TFAM: variants seen among roughly 807,000 people sequenced by gnomAD.
TFAM encodes the protein transcription factor A, mitochondrial.
TFAM carries 13 observed loss-of-function variants against 30.6 expected under a neutral mutation model. The observed-to-expected ratio is 0.42, with a 90% confidence interval of 0.28 to 0.67. The LOEUF is 0.67. TFAM is among the 30% of genes least tolerant of loss of function. TFAM has a pLI of 0.21. For synonymous variants in TFAM, 106 were observed against 94.8 expected, an observed-to-expected ratio of 1.12 and a Z score of -0.69; for missense variants, 231 against 293.7, an observed-to-expected ratio of 0.79 and a Z score of 1.56.
chr10:58,385,687 C>G, intron 1 of TFAM, 39 bp downstream of exon 1: 4 of 1,465,970 alleles, frequency 2.7e-6, no homozygotes, highest in Non-Finnish European at 3.7e-6. Flanking sequence ...CAGCAGGGCC[C>G]AGGACGTCCC....
chr10:58,386,106 G>T (rs1002535053), intron 1 of TFAM, 114 bp from the exon 2 acceptor site: 18 of 823,604 alleles, frequency 2.2e-5, no homozygotes, highest in East Asian at 2.2e-4. Context: ...TGTTGAAGGC[G>T]TTGGATACAT....
chr10:58,391,111 G>C (rs1452988133), intron 5 of TFAM, among the ~76,000 whole-genome samples: 4 of 151,754 alleles, frequency 2.6e-5, no homozygotes, highest in African/African-American at 4.8e-5. Context: ...TAATATGTAG[G>C]GATATTAAAG....
chr10:58,394,467 A>C lies in TFAM; in HGVS notation c.594+53A>C, dbSNP rs751411035. The C allele has an allele frequency of 1.1e-5, 16 of 1,439,740 alleles. No individual in the cohort carries two copies. In the African/African-American group the frequency reaches 2.2e-4, roughly 20 times the overall value. 89.2% of individuals were successfully genotyped at this position (1,439,740 alleles called of 1,614,324 possible). A position where few individuals can be genotyped will look rare whatever the true frequency, so the allele number is the denominator to read the frequency against. On this transcript the variant is annotated intron_variant, in intron 6 of 6. Coordinates refer to ENST00000487519, the MANE Select transcript of TFAM (RefSeq NM_003201.3). ...TGTCTACTTAGGATATCTGTGAGAG[A>C]ATGTATTAGGGCAAGGCTTGATTCA...
chr10:58,393,932 A>C (rs1840638766), intron 5 of TFAM, among the ~76,000 whole-genome samples: 1 of 152,106 alleles, frequency 6.6e-6, no homozygotes, highest in South Asian at 2.1e-4. Flanking sequence ...TAATTTTATA[A>C]ATGAAGAGCC....
rs1042918807 is a variant in TFAM, at chr10:58,395,431, C to G, written c.*357C>G. The G allele has an allele frequency of 3.5e-6, 1 of 285,610 alleles. No individual in the cohort carries two copies. The highest frequency in any genetic ancestry group is 2.2e-5 in the African/African-American group (1 of 45,660). 17.7% of individuals were successfully genotyped at this position (285,610 alleles called of 1,614,324 possible). On this transcript the variant is annotated 3_prime_UTR_variant, in exon 7 of 7. Transcript: ENST00000487519. The stretch of plus-strand genomic sequence containing the variant: ...CCTTATATTATGGAGGCAGGAGTTT[C>G]GTTTTCAAAATTGTTACAAATTGTA...
At position 58,385,445 on chromosome 10, in the gene TFAM, G is replaced by T; in HGVS notation, c.-103G>T. 1.2e-6 allele frequency: 1 copy of T among 845,890 alleles called. No individual in the cohort carries two copies. The allele number at this position is 845,890 out of a possible 1,614,324, so 52.4% of individuals were successfully genotyped here. A position where few individuals can be genotyped will look rare whatever the true frequency, so the allele number is the denominator to read the frequency against. ...GCTAGTGGCGGGCATGATAACACAC[G>T]CCGGAGGGTCGCACGCGGGTTCCAG... is the stretch of plus-strand genomic sequence containing the variant. On this transcript the variant is annotated 5_prime_UTR_variant, in exon 1 of 7. Coordinates refer to ENST00000487519, the MANE Select transcript of TFAM (RefSeq NM_003201.3).
Position 58,397,462 on chromosome 10 carries a change from A to C in TFAM, c.*2388A>C, listed in dbSNP as rs1007345208. The C allele has an allele frequency of 6.6e-6, 1 of 152,098 alleles. No individual in the cohort carries two copies. The highest frequency in any genetic ancestry group is 2.4e-5 in the African/African-American group (1 of 41,424). The allele number at this position is 152,098 out of a possible 1,614,324, so 9.4% of individuals were successfully genotyped here. A position where few individuals can be genotyped will look rare whatever the true frequency, so the allele number is the denominator to read the frequency against. On this transcript the variant is annotated 3_prime_UTR_variant, in exon 7 of 7. Coordinates refer to ENST00000487519, the MANE Select transcript of TFAM (RefSeq NM_003201.3). ...GGTGTAAACAGTGAAAAAAGAGCAA[A>C]ACTATTTTATGGTAATTTTATGGTA...
chr10:58,385,501 A>T lies in TFAM; in HGVS notation c.-47A>T, dbSNP rs1272972129. ...ATTGCTGGAGTTGTGTATTGCCAGG[A>T]GGCTCTCCGAGATTGGGGTCGGGTC... is the stretch of plus-strand genomic sequence containing the variant. On this transcript the variant is annotated 5_prime_UTR_variant, in exon 1 of 7. Transcript: ENST00000487519. The T allele has an allele frequency of 7.0e-7, 1 of 1,430,372 alleles. No homozygotes were observed. The highest frequency in any genetic ancestry group is 2.5e-5 in the East Asian group (1 of 40,442). The allele number at this position is 1,430,372 out of a possible 1,614,324, so 88.6% of individuals were successfully genotyped here. A position where few individuals can be genotyped will look rare whatever the true frequency, so the allele number is the denominator to read the frequency against.
intron 3 of TFAM, 63 bp downstream of exon 3, chr10:58,388,323 T>G: frequency 8.0e-6 from 11 of 1,382,040 alleles, no homozygotes; most frequent in Non-Finnish European, 1.1e-5. Flanking sequence ...AATTGTCATG[T>G]CCTTTAAAGG....
rs1426333987 is a variant in TFAM, at chr10:58,386,105, C to T, written c.102-115C>T. 7.4e-6 allele frequency: 6 copies of T among 812,862 alleles called. No homozygotes were observed. The African/African-American group carries it at 1.0e-4, about 14-fold the overall frequency. The allele number at this position is 812,862 out of a possible 1,614,324, so 50.4% of individuals were successfully genotyped here. A position where few individuals can be genotyped will look rare whatever the true frequency, so the allele number is the denominator to read the frequency against. On this transcript the variant is annotated intron_variant, in intron 1 of 6. Coordinates refer to ENST00000487519, the MANE Select transcript of TFAM (RefSeq NM_003201.3). ...AAGTCTCTAGCATTCTTGTTGAAGG[C>T]GTTGGATACATAGTATCTTGATGAC...
At chr10:58,386,732 C>T in intron 2 of TFAM, 5 of 1,069,660 alleles carry the variant, frequency 4.7e-6, no homozygotes, top group Non-Finnish European at 5.7e-6. Flanking sequence ...TTCTGTAGAA[C>T]TGTAAAGTTC....
rs1376893871 is a variant in TFAM, at chr10:58,397,950, G to C, written c.*2876G>C. ...TGTATTTTTTTTTTAATCAAGATGG[G>C]ATCTTGCTATGTTGCCCAGGCTGGT... On this transcript the variant is annotated 3_prime_UTR_variant, in exon 7 of 7. Transcript: ENST00000487519. The C allele has an allele frequency of 6.6e-6, 1 of 152,152 alleles. No homozygotes were observed. Among genetic ancestry groups the C allele is most frequent in the African/African-American group, 2.4e-5 (1 of 41,356 alleles). 9.4% of individuals were successfully genotyped at this position (152,152 alleles called of 1,614,324 possible).
chr10:58,393,702 A>G (rs1354061391), intron 5 of TFAM, among the ~76,000 whole-genome samples: 1 of 152,142 alleles, frequency 6.6e-6, no homozygotes, highest in Non-Finnish European at 1.5e-5. Context: ...GCCCTGGGCA[A>G]CGTGGTAAGA....
At chr10:58,389,973 A>G (rs1050483398) in intron 4 of TFAM, among the ~76,000 whole-genome samples, 2 of 152,222 alleles carry the variant, frequency 1.3e-5, no homozygotes, top group Non-Finnish European at 2.9e-5. Flanking sequence ...AGCTCTAGAA[A>G]CAAAGAGGGA....
At chr10:58,386,722 T>A (rs1308126159) in intron 2 of TFAM, 1 of 1,107,388 alleles carries the variant, frequency 9.0e-7, no homozygotes, top group Non-Finnish European at 1.1e-6. Flanking sequence ...AAACTGTAAG[T>A]TCTGTAGAAC....
In TFAM at chr10:58,389,969, A is replaced by C. The variant is rs529143016; in HGVS notation, c.442-796A>C. Among the ~76,000 whole-genome samples, 28 of 152,342 alleles carry C rather than the reference A, an allele frequency of 1.8e-4. 1 individual carries two copies. In the East Asian group the frequency reaches 5.0e-3, roughly 27 times the overall value. On this transcript the variant is annotated intron_variant, in intron 4 of 6. Coordinates refer to ENST00000487519, the MANE Select transcript of TFAM (RefSeq NM_003201.3). The stretch of plus-strand genomic sequence containing the variant: ...GAGAGAAATCCCTAGTGATAGCTCT[A>C]GAAACAAAGAGGGAAATAGTTAAGT...
intron 4 of TFAM, 127 bp from the exon 5 acceptor site, chr10:58,390,638 A>G (rs1440101314): frequency 1.0e-5 from 8 of 762,390 alleles, no homozygotes; most frequent in African/African-American, 1.7e-5. Context: ...ATCACACTAT[A>G]TAAGAATCAT....
At position 58,394,344 on chromosome 10, in the gene TFAM, A is replaced by G; in HGVS notation, c.538-14A>G. On this transcript the variant is annotated splice_polypyrimidine_tract_variant and intron_variant, in intron 5 of 6. Coordinates refer to ENST00000487519, the MANE Select transcript of TFAM (RefSeq NM_003201.3). ...CCCATATCTACCTTAACTTAAACATATATTGTTTTACAGGAAAAGCTGAAG... is the reference window on the plus strand; with the variant it reads ...CCCATATCTACCTTAACTTAAACATGTATTGTTTTACAGGAAAAGCTGAAG... 1.2e-6 allele frequency: 2 copies of G among 1,604,092 alleles called. No homozygotes were observed. Among genetic ancestry groups the G allele is most frequent in the Non-Finnish European group, 1.7e-6 (2 of 1,171,184 alleles).
chr10:58,395,635 CTT>C lies in TFAM; in HGVS notation c.*566_*567del. 1 of 257,456 alleles carries C rather than the reference CTT, an allele frequency of 3.9e-6. No individual in the cohort carries two copies. The highest frequency in any genetic ancestry group is 7.2e-6 in the Non-Finnish European group (1 of 138,546). 15.9% of individuals were successfully genotyped at this position (257,456 alleles called of 1,614,324 possible). A position where few individuals can be genotyped will look rare whatever the true frequency, so the allele number is the denominator to read the frequency against. ...TAAAAGGGACTGAGAAATTTATAAA[CTT>C]TTTTCTTACTGTCTTTTTTCTAAAG... On this transcript the variant is annotated 3_prime_UTR_variant, in exon 7 of 7. Transcript: ENST00000487519.
Sources: allele counts gnomAD v4.1 joint callset (sites outside exome capture counted in the v4.1 genomes callset), GRCh38; gene constraint gnomAD v4.1.1; transcripts MANE v1.5; gene names NCBI Gene and HGNC (gene_info 2026-07-23, HGNC 2026-07-21).